MCF2L: variants seen among roughly 807,000 people sequenced by gnomAD.
The protein encoded by MCF2L is MCF.2 cell line derived transforming sequence like.
Under a neutral mutation model 153.4 loss-of-function variants are expected in MCF2L, and 97 were observed. The observed-to-expected ratio is 0.63, with a 90% confidence interval of 0.54 to 0.75. The LOEUF (loss-of-function observed/expected upper bound fraction) is 0.75. Among genes scored for constraint, MCF2L ranks in the 30% least tolerant of loss-of-function variants. The pLI is 0.00. For synonymous variants in MCF2L, 659 were observed against 632.2 expected, an observed-to-expected ratio of 1.04 and a Z score of -0.64; for missense variants, 1,347 against 1,495.2, an observed-to-expected ratio of 0.90 and a Z score of 1.64.
chr13:112,914,410 C>T (rs564749728), intron 2 of MCF2L, among the ~76,000 whole-genome samples: 3 of 152,380 alleles, frequency 2.0e-5, no homozygotes, highest in African/African-American at 7.2e-5. Flanking sequence ...ATTCACTCGT[C>T]TCTGCTGATG....
At position 113,035,624 on chromosome 13, in the gene MCF2L, G is replaced by A. The variant is rs1446388271; in HGVS notation, c.279-9647G>A. Among the ~76,000 whole-genome samples the A allele has an allele frequency of 1.3e-5, 2 of 152,176 alleles. No individual in the cohort carries two copies. Among genetic ancestry groups the A allele is most frequent in the Non-Finnish European group, 2.9e-5 (2 of 68,042 alleles). On this transcript the variant is annotated intron_variant, in intron 3 of 29. Transcript: ENST00000535094. The surrounding 1 kb of genome is among the most constrained non-coding windows in gnomAD (Gnocchi z 4.4). ...TGTCCCCCAGGACAGCTTCGTGGCC[G>A]GCCGCCTCCATGGATTCGGGTGGGC...
intron 2 of MCF2L, among the ~76,000 whole-genome samples, chr13:112,934,379 G>A (rs1177167281): frequency 2.6e-5 from 4 of 152,210 alleles, no homozygotes; most frequent in African/African-American, 4.8e-5. Context: ...TGCCTGTCAC[G>A]GGATTGCCAC....
rs1450121317 is a variant in MCF2L at position 113,064,595 on chromosome 13, G to A, written c.606+175G>A. 1.5e-5 allele frequency: 9 copies of A among 591,246 alleles called. No individual in the cohort carries two copies. Among genetic ancestry groups the A allele is most frequent in the Non-Finnish European group, 2.4e-5 (8 of 331,874 alleles). 36.6% of individuals were successfully genotyped at this position (591,246 alleles called of 1,614,324 possible). A position where few individuals can be genotyped will look rare whatever the true frequency, so the allele number is the denominator to read the frequency against. On this transcript the variant is annotated intron_variant, in intron 6 of 29. Transcript: ENST00000535094. This position sits in a 1 kb window ranked among gnomAD's most constrained non-coding sequence, Gnocchi z 6.0. ...ACCTTAGTCATTGTAAAGAAGTAAC[G>A]TGAGTCATAAGTTTGGGAGTGGCTT... is the stretch of plus-strand genomic sequence containing the variant.
At chr13:112,968,622 G>T, upstream of MCF2L, 1 of 1,528,914 alleles carries the variant, frequency 6.5e-7, no homozygotes, top group African/African-American at 1.4e-5. Flanking sequence ...TGCTTACCTG[G>T]GCGCGGCGCG....
rs35155188 is a variant in MCF2L at position 113,078,695 on chromosome 13, C to A, written c.1764C>A (p.Arg588=). Residue 588 remains arginine (R), a synonymous_variant, in exon 15 of 30, where the codon CGC becomes CGA. Coordinates refer to ENST00000535094, the MANE Select transcript of MCF2L (RefSeq NM_001112732.3). ...KSEMSESRQG[R]GSAGEEEESL... ...AGATGAGTGAGAGCCGGCAGGGCCGCGGCTCAGCGGGGGAGGAGGAGGAAA... is the reference window on the plus strand; with the variant it reads ...AGATGAGTGAGAGCCGGCAGGGCCGAGGCTCAGCGGGGGAGGAGGAGGAAA... The A allele has an allele frequency of 5.0e-6, 8 of 1,610,888 alleles. No individual in the cohort carries two copies. In the South Asian group the frequency reaches 6.6e-5, roughly 13 times the overall value.
chr13:112,901,177 G>A (rs960498543), intron 1 of MCF2L, among the ~76,000 whole-genome samples: 7 of 152,124 alleles, frequency 4.6e-5, no homozygotes, highest in East Asian at 1.9e-4. Flanking sequence ...TTTTTGAGAC[G>A]GAGTTTCACT....
intron 14 of MCF2L, 25 bp from the exon 15 acceptor site, chr13:113,078,641 G>C (rs1289209800): frequency 2.5e-6 from 4 of 1,606,836 alleles, no homozygotes; most frequent in Non-Finnish European, 3.4e-6. Context: ...CCGCCTTTCA[G>C]ACCTGACGCT....
intron 1 of MCF2L, among the ~76,000 whole-genome samples, chr13:112,981,608 G>A (rs986582321): frequency 6.6e-6 from 1 of 152,252 alleles, no homozygotes; most frequent in Non-Finnish European, 1.5e-5. Context: ...TGGGTGTAGT[G>A]AGAGGCAGAC....
Position 113,079,797 on chromosome 13 carries a change from C to G in MCF2L, c.1808+1058C>G, listed in dbSNP as rs1273752679. The stretch of plus-strand genomic sequence containing the variant: ...GAGGGGCGTCTGCACGGAGGAGGGT[C>G]CAGGCAGAGGAATGTCTGAATGGAG... On this transcript the variant is annotated intron_variant, in intron 15 of 29. Coordinates refer to ENST00000535094, the MANE Select transcript of MCF2L (RefSeq NM_001112732.3). Among the ~76,000 whole-genome samples, 4 of 150,656 alleles carry G rather than the reference C, an allele frequency of 2.7e-5. 1 individual carries two copies.
At chr13:112,927,935 G>GTA (rs1296149326) in intron 2 of MCF2L, among the ~76,000 whole-genome samples, 1 of 152,202 alleles carries the variant, frequency 6.6e-6, no homozygotes, top group Non-Finnish European at 1.5e-5. Context: ...TGCAGGCTAT[G>GTA]GACTGGATAA....
At chr13:113,042,749 T>TG (rs1403091902) in intron 3 of MCF2L, 2 of 152,186 alleles carry the variant, frequency 1.3e-5, no homozygotes, top group African/African-American at 4.8e-5. Flanking sequence ...GTCACGGGTC[T>TG]GGGGGAGGGT....
intron 2 of MCF2L, among the ~76,000 whole-genome samples, chr13:112,942,708 G>C (rs1009193089): frequency 6.6e-6 from 1 of 152,228 alleles, no homozygotes; most frequent in Non-Finnish European, 1.5e-5. Context: ...GTAAAACGAA[G>C]TGAATGAGTT....
In MCF2L at chr13:112,904,581, A is replaced by G. The variant is rs981917523; in HGVS notation, c.169+2210A>G. Among the ~76,000 whole-genome samples, 4 of 152,246 alleles carry G rather than the reference A, an allele frequency of 2.6e-5. No homozygotes were observed. Among genetic ancestry groups the G allele is most frequent in the African/African-American group, 9.6e-5 (4 of 41,476 alleles). On this transcript the variant is annotated intron_variant, in intron 2 of 29. Coordinates refer to the MCF2L transcript ENST00000375608. This position sits in a 1 kb window ranked among gnomAD's most constrained non-coding sequence, Gnocchi z 4.2. Reference sequence around the variant, plus strand: ...AACCTCTCTGATCCCTGAGTCCTGGAGGCCCAGGGCTGGCTTTACCAAGAA... The same window carrying G: ...AACCTCTCTGATCCCTGAGTCCTGGGGGCCCAGGGCTGGCTTTACCAAGAA...
chr13:113,084,827 T>C, intron 18 of MCF2L, 65 bp from the exon 19 acceptor site: 2 of 1,227,144 alleles, frequency 1.6e-6, no homozygotes, highest in Non-Finnish European at 2.4e-6. Flanking sequence ...GCGGTGCCCG[T>C]CCCTCACCGC....
Position 112,920,894 on chromosome 13 carries a change from G to A in MCF2L, c.169+18523G>A, listed in dbSNP as rs536689947. ...GAAAGAAACACAGCCATGGCCAGGCGCGGTGGCTCAAGCCTATAGTCCCAG... is the reference window on the plus strand; with the variant it reads ...GAAAGAAACACAGCCATGGCCAGGCACGGTGGCTCAAGCCTATAGTCCCAG... On this transcript the variant is annotated intron_variant, in intron 2 of 29. Coordinates refer to the MCF2L transcript ENST00000375608. 9.2e-5 allele frequency among the ~76,000 whole-genome samples: 14 copies of A among 152,248 alleles called. 1 individual carries two copies. Among genetic ancestry groups the A allele is most frequent in the South Asian group, 8.3e-4 (4 of 4,826 alleles).
At position 113,035,706 on chromosome 13, in the gene MCF2L, G is replaced by C. The variant is rs186105373; in HGVS notation, c.279-9565G>C. Among the ~76,000 whole-genome samples the C allele has an allele frequency of 2.9e-4, 44 of 152,348 alleles. No homozygotes were observed. Among genetic ancestry groups the C allele is most frequent in the African/African-American group, 7.9e-4 (33 of 41,576 alleles). ...GCCCTCCCCGCGAAGCTCCTTGGAGGATGGAGATTTTAAGGTCTTACTGTG... is the reference window on the plus strand; with the variant it reads ...GCCCTCCCCGCGAAGCTCCTTGGAGCATGGAGATTTTAAGGTCTTACTGTG... On this transcript the variant is annotated intron_variant, in intron 3 of 29. Transcript: ENST00000535094. The surrounding 1 kb of genome is among the most constrained non-coding windows in gnomAD (Gnocchi z 4.4).
chr13:112,948,014 G>C (rs2081655161), intron 2 of MCF2L, among the ~76,000 whole-genome samples: 1 of 152,194 alleles, frequency 6.6e-6, no homozygotes, highest in Non-Finnish European at 1.5e-5. Flanking sequence ...GCATCCTCTG[G>C]ACACCTGAGC....
At chr13:113,057,269 G>T (rs1169064483) in intron 4 of MCF2L, among the ~76,000 whole-genome samples, 1 of 150,246 alleles carries the variant, frequency 6.7e-6, no homozygotes, top group Non-Finnish European at 1.5e-5. Context: ...TTTGGGTGCT[G>T]AGTGGGTGCT....
At chr13:113,081,061 G>A (rs376344451) in intron 15 of MCF2L, 152 bp from the exon 16 acceptor site, 82 of 590,406 alleles carry the variant, frequency 1.4e-4, no homozygotes, top group African/African-American at 1.1e-3. Flanking sequence ...GGGGAACCCC[G>A]AGGAGCGTCC....
Sources: gnomAD v4.1 joint callset for allele counts (sites outside exome capture counted in the v4.1 genomes callset) on GRCh38, gnomAD v4.1.1 for gene constraint, Gnocchi (gnomAD v3.1) non-coding constraint, MANE v1.5 for transcripts, NCBI Gene and HGNC (gene_info 2026-07-23, HGNC 2026-07-21) for gene names.